TCF7L2: variants seen among roughly 807,000 people sequenced by gnomAD.
The protein encoded by TCF7L2 is transcription factor 7 like 2, also known as transcription factor 7-like 2.
Under a neutral mutation model 77.9 loss-of-function variants are expected in TCF7L2, and 23 were observed. The observed-to-expected ratio is 0.30, with a 90% CI of 0.21 to 0.42. The LOEUF (loss-of-function observed/expected upper bound fraction) is 0.42, where lower values mean the gene tolerates loss of function less well. TCF7L2 is among the 10% of genes least tolerant of loss of function. TCF7L2 has a pLI of 1.00. For missense variants in TCF7L2, 654 were observed against 793.1 expected, an observed-to-expected ratio of 0.82 and a Z score of 2.11; for synonymous variants, 413 against 340.2, an observed-to-expected ratio of 1.21 and a Z score of -2.36.
intron 4 of TCF7L2, among the ~76,000 whole-genome samples, chr10:112,981,846 G>C (rs2040530989): frequency 6.6e-6 from 1 of 152,056 alleles, no homozygotes; most frequent in African/African-American, 2.4e-5. Flanking sequence ...CTTACATTTG[G>C]CTGCATGGGA....
intron 5 of TCF7L2, among the ~76,000 whole-genome samples, chr10:113,130,780 T>TTA (rs1257822747): frequency 7.2e-5 from 10 of 139,514 alleles, no homozygotes; most frequent in Admixed American, 4.3e-4. Context: ...TATTATTATT[T>TTA]TTGAGACGGA....
Position 113,165,891 on chromosome 10 carries a change from G to A in TCF7L2, c.1728G>A (p.Ser576=), listed in dbSNP as rs777670924. The change falls in exon 14 of 14, where the codon TCG becomes TCA. Residue 576 remains serine, a synonymous_variant. Transcript: ENST00000627217. ...CCTCCTCATCAATTGCACAGCCGTC[G>A]ACTTCTTCCTTACATTCCCACAGCT... The A allele has an allele frequency of 5.0e-6, 8 of 1,601,072 alleles. No homozygotes were observed. Among genetic ancestry groups the A allele is most frequent in the Admixed American group, 3.4e-5 (2 of 58,152 alleles).
chr10:113,139,819 A>G (rs1394429463), intron 5 of TCF7L2, among the ~76,000 whole-genome samples: 1 of 151,698 alleles, frequency 6.6e-6, no homozygotes, highest in Non-Finnish European at 1.5e-5. Context: ...TTTAAAAAAA[A>G]AAAAAAAAAA....
chr10:113,036,685 TTTC>T (rs1244178344), intron 4 of TCF7L2, among the ~76,000 whole-genome samples: 28 of 152,004 alleles, frequency 1.8e-4, no homozygotes, highest in Non-Finnish European at 4.4e-5. Flanking sequence ...TCTTTCTTTC[TTTC>T]TTTTTTTTTA....
intron 5 of TCF7L2, chr10:113,126,716 G>C: frequency 1.0e-6 from 1 of 986,060 alleles, no homozygotes; most frequent in Non-Finnish European, 1.2e-6. Flanking sequence ...GCTGGTGTGT[G>C]CTGCTCCCCT....
intron 5 of TCF7L2, among the ~76,000 whole-genome samples, chr10:113,050,110 C>A (rs763644985): frequency 6.6e-6 from 1 of 152,166 alleles, no homozygotes; most frequent in Non-Finnish European, 1.5e-5. Flanking sequence ...CTAGCCCGAG[C>A]CTGCATAGCT....
chr10:113,038,738 T>C (rs2051850770), intron 4 of TCF7L2, among the ~76,000 whole-genome samples: 1 of 152,166 alleles, frequency 6.6e-6, no homozygotes, highest in Admixed American at 6.5e-5. Context: ...TGAGTCTCTG[T>C]CACAGTGTCA....
intron 5 of TCF7L2, among the ~76,000 whole-genome samples, chr10:113,094,711 A>C (rs1418091299): frequency 6.6e-6 from 1 of 152,206 alleles, no homozygotes; most frequent in Non-Finnish European, 1.5e-5. Context: ...ACATCTCTCT[A>C]TACTAGAAAC....
At chr10:112,972,825 G>A (rs1263611337) in intron 4 of TCF7L2, among the ~76,000 whole-genome samples, 2 of 152,184 alleles carry the variant, frequency 1.3e-5, no homozygotes, top group African/African-American at 4.8e-5. Context: ...TTTGAAAGGT[G>A]TAGTTACTGG....
Position 113,151,151 on chromosome 10 carries a change from T to C in TCF7L2, c.1001+28T>C. The C allele has an allele frequency of 6.2e-7, 1 of 1,614,032 alleles. No individual in the cohort carries two copies. The highest frequency in any genetic ancestry group is 8.5e-7 in the Non-Finnish European group (1 of 1,179,944). ...AAGTGTTGCTGTTTTTCTCACCTTCTTCGTAGCCGCAGTGTTCTGCAAGCC... is the reference window on the plus strand; with the variant it reads ...AAGTGTTGCTGTTTTTCTCACCTTCCTCGTAGCCGCAGTGTTCTGCAAGCC... On this transcript the variant is annotated intron_variant, in intron 9 of 13. Coordinates refer to ENST00000627217, the MANE Select transcript of TCF7L2 (RefSeq NM_001146274.2). This position sits in a 1 kb window ranked among gnomAD's most constrained non-coding sequence, Gnocchi z 5.2.
chr10:113,149,734 T>C (rs544393375), intron 8 of TCF7L2, among the ~76,000 whole-genome samples: 13 of 145,252 alleles, frequency 8.9e-5, no homozygotes, highest in Non-Finnish European at 1.3e-4. Flanking sequence ...ATTCCTTGGA[T>C]GGTACATTGG....
At chr10:113,071,640 C>T (rs2058032338) in intron 5 of TCF7L2, among the ~76,000 whole-genome samples, 1 of 152,184 alleles carries the variant, frequency 6.6e-6, no homozygotes, top group African/African-American at 2.4e-5. Flanking sequence ...GGACTGGGCA[C>T]GGGACCAAGC....
rs111729962 is a variant in TCF7L2, at chr10:113,157,569, A to T, written c.1270-452A>T. Among the ~76,000 whole-genome samples, 977 of 152,318 alleles carry T rather than the reference A, an allele frequency of 6.4e-3. 14 individuals carry two copies. The highest frequency in any genetic ancestry group is 0.022 in the African/African-American group (897 of 41,568). ...GACCCTTTGGCCTTCATAAGTAAGA[A>T]CTGTGAGCAGGTCAGGCAGGGCAGC... is the stretch of plus-strand genomic sequence containing the variant. On this transcript the variant is annotated intron_variant, in intron 11 of 13. Coordinates refer to ENST00000627217, the MANE Select transcript of TCF7L2 (RefSeq NM_001146274.2).
intron 5 of TCF7L2, among the ~76,000 whole-genome samples, chr10:113,133,962 G>A (rs776798623): frequency 7.2e-5 from 11 of 152,172 alleles, no homozygotes; most frequent in Non-Finnish European, 1.3e-4. Flanking sequence ...CTGGCAGGGT[G>A]GGCTTTGCTT....
intron 3 of TCF7L2, among the ~76,000 whole-genome samples, chr10:112,963,706 A>G (rs1433554843): frequency 6.6e-6 from 1 of 152,230 alleles, no homozygotes; most frequent in Non-Finnish European, 1.5e-5. Flanking sequence ...ACTTGGGAAG[A>G]TGAGAATTGG....
intron 4 of TCF7L2, among the ~76,000 whole-genome samples, chr10:112,966,935 C>T (rs1273415207): frequency 6.6e-6 from 1 of 152,212 alleles, no homozygotes; most frequent in Non-Finnish European, 1.5e-5. Flanking sequence ...TTATTAGAGA[C>T]CCAGCACCAT....
chr10:113,015,401 C>G (rs1002943365), intron 4 of TCF7L2, among the ~76,000 whole-genome samples: 1 of 150,310 alleles, frequency 6.7e-6, no homozygotes, highest in Non-Finnish European at 1.5e-5. Context: ...CTCCCTGCCT[C>G]GTGCCAGGTG....
At chr10:112,957,621 C>T (rs2034003974) in intron 3 of TCF7L2, among the ~76,000 whole-genome samples, 1 of 152,056 alleles carries the variant, frequency 6.6e-6, no homozygotes, top group Non-Finnish European at 1.5e-5. Flanking sequence ...TTGGAAGTTT[C>T]CTTATGGAGG....
At chr10:113,074,727 A>G (rs1411755763) in intron 5 of TCF7L2, among the ~76,000 whole-genome samples, 1 of 152,186 alleles carries the variant, frequency 6.6e-6, no homozygotes, top group East Asian at 1.9e-4. Flanking sequence ...TGGGGCCTCC[A>G]CGCCATAGGC....
Sources: gnomAD v4.1 joint callset for allele counts (sites outside exome capture counted in the v4.1 genomes callset) on GRCh38, gnomAD v4.1.1 for gene constraint, Gnocchi (gnomAD v3.1) non-coding constraint, MANE v1.5 for transcripts, NCBI Gene and HGNC (gene_info 2026-07-23, HGNC 2026-07-21) for gene names.